The following EBF2 variants were observed in gnomAD, a reference collection of about 807,000 sequenced individuals.
EBF2 encodes the protein transcription factor COE2.
In EBF2, 21 loss-of-function variants were observed where a neutral mutation model predicts 72.8. That is an observed-to-expected ratio of 0.29 (90% CI 0.20 to 0.42). EBF2 has a LOEUF of 0.42. EBF2 is among the 10% of genes least tolerant of loss of function. EBF2 has a pLI of 1.00. For synonymous variants in EBF2, 299 were observed against 274.2 expected (o/e 1.09, Z -0.89); for missense variants, 637 against 731.2 (o/e 0.87, Z 1.49).
rs1455639341 is a variant in EBF2, at chr8:25,856,452, T to C, written c.1528+1867A>G. 2.6e-5 allele frequency among the ~76,000 whole-genome samples: 4 copies of C among 152,252 alleles called. No homozygotes were observed. In the East Asian group the frequency reaches 5.8e-4, roughly 22 times the overall value. On this transcript the variant is annotated intron_variant, in intron 14 of 15. Coordinates refer to ENST00000520164, the MANE Select transcript of EBF2 (RefSeq NM_022659.4). ...TCCCTTTTTTACTATTTATTGGCTA[T>C]GAACTCTTAAGTCATTCAATAACTC... is the stretch of plus-strand genomic sequence containing the variant.
At chr8:25,892,616 T>C (rs1312894564) in intron 7 of EBF2, among the ~76,000 whole-genome samples, 1 of 152,236 alleles carries the variant, frequency 6.6e-6, no homozygotes, top group Non-Finnish European at 1.5e-5. Context: ...TTTTAAGTTA[T>C]ATTTTTAGCA....
chr8:25,906,598 C>T (rs1803036231), intron 7 of EBF2, among the ~76,000 whole-genome samples: 1 of 152,098 alleles, frequency 6.6e-6, no homozygotes, highest in South Asian at 2.1e-4. Flanking sequence ...AAAACCTCAT[C>T]TCTACTAAAA....
intron 6 of EBF2, among the ~76,000 whole-genome samples, chr8:26,018,063 A>T (rs548168711): frequency 5.3e-5 from 8 of 152,082 alleles, no homozygotes; most frequent in Admixed American, 6.5e-5. Flanking sequence ...TACAGCAAAG[A>T]TTCAAACAAG....
chr8:25,889,101 A>G (rs552744670), intron 8 of EBF2, among the ~76,000 whole-genome samples: 2 of 152,316 alleles, frequency 1.3e-5, no homozygotes, highest in Admixed American at 1.3e-4. Flanking sequence ...TCACACTAAA[A>G]TAGTAGCCTA....
chr8:25,932,981 T>C (rs1803510173), intron 6 of EBF2, among the ~76,000 whole-genome samples: 1 of 152,176 alleles, frequency 6.6e-6, no homozygotes, highest in Non-Finnish European at 1.5e-5. Flanking sequence ...CCAAAAGGTA[T>C]ATTCAAACTC....
chr8:25,865,841 C>T (rs958747325), intron 10 of EBF2, among the ~76,000 whole-genome samples: 6 of 151,600 alleles, frequency 4.0e-5, no homozygotes, highest in South Asian at 2.1e-4. Context: ...CTGGCTAACA[C>T]GGTGAAACCC....
intron 6 of EBF2, among the ~76,000 whole-genome samples, chr8:25,938,482 A>T (rs775546289): frequency 2.6e-5 from 4 of 152,034 alleles, no homozygotes; most frequent in Non-Finnish European, 5.9e-5. Context: ...GAAGACAAAT[A>T]CCTTAACCGT....
intron 6 of EBF2, among the ~76,000 whole-genome samples, chr8:26,001,867 T>C (rs1208107936): frequency 6.6e-6 from 1 of 152,112 alleles, no homozygotes; most frequent in Non-Finnish European, 1.5e-5. Context: ...TTAAAAGAAC[T>C]GCTCTACCTA....
chr8:26,038,596 C>A (rs1805544624), intron 5 of EBF2, among the ~76,000 whole-genome samples: 1 of 152,216 alleles, frequency 6.6e-6, no homozygotes, highest in Non-Finnish European at 1.5e-5. Context: ...ACTAACCAAC[C>A]TAATCAAAGC....
chr8:25,908,106 C>A (rs1803069554), intron 7 of EBF2, among the ~76,000 whole-genome samples: 1 of 152,178 alleles, frequency 6.6e-6, no homozygotes, highest in Non-Finnish European at 1.5e-5. Flanking sequence ...AAGACAGGAG[C>A]TGTTGCTTGC....
At chr8:25,949,051 A>G (rs1803816213) in intron 6 of EBF2, among the ~76,000 whole-genome samples, 1 of 152,214 alleles carries the variant, frequency 6.6e-6, no homozygotes, top group East Asian at 1.9e-4. Context: ...CACCATCATC[A>G]TCAATACCAT....
At chr8:25,853,565 TG>T (rs1455696903) in intron 14 of EBF2, among the ~76,000 whole-genome samples, 1 of 152,110 alleles carries the variant, frequency 6.6e-6, no homozygotes, top group Non-Finnish European at 1.5e-5. Context: ...TTAACCTCTC[TG>T]GAGGGTCTTT....
chr8:26,005,861 A>G (rs1054700245), intron 6 of EBF2, among the ~76,000 whole-genome samples: 18 of 151,338 alleles, frequency 1.2e-4, no homozygotes, highest in African/African-American at 3.9e-4. Context: ...TTAAAATGAT[A>G]GAAAGACTCA....
intron 6 of EBF2, among the ~76,000 whole-genome samples, chr8:25,940,182 CT>C (rs1416909835): frequency 1.3e-5 from 2 of 152,178 alleles, no homozygotes; most frequent in Non-Finnish European, 2.9e-5. Flanking sequence ...CGGGCAGCCC[CT>C]ACATTCTACT....
chr8:25,899,692 T>C (rs894026126), intron 7 of EBF2, among the ~76,000 whole-genome samples: 3 of 152,216 alleles, frequency 2.0e-5, no homozygotes, highest in Non-Finnish European at 4.4e-5. Context: ...TGAGTAGCCG[T>C]GCCCTTTGCT....
chr8:25,878,289 GAGCACTGTCCTGC>G (rs1321699673), intron 10 of EBF2, among the ~76,000 whole-genome samples: 5 of 152,198 alleles, frequency 3.3e-5, no homozygotes, highest in Non-Finnish European at 2.9e-5. Flanking sequence ...AGCAGCCTAG[GAGCACTGTCCTGC>G]AGTGAAGCAC....
intron 6 of EBF2, among the ~76,000 whole-genome samples, chr8:26,014,967 T>C (rs1208799688): frequency 6.6e-6 from 1 of 152,162 alleles, no homozygotes; most frequent in Non-Finnish European, 1.5e-5. Flanking sequence ...ATTATACTGA[T>C]ATAAAAACTA....
intron 6 of EBF2, among the ~76,000 whole-genome samples, chr8:26,019,753 C>A (rs1805176814): frequency 6.6e-6 from 1 of 152,208 alleles, no homozygotes; most frequent in South Asian, 2.1e-4. Flanking sequence ...ACTTGTCTGT[C>A]TCTGTTTCAG....
At chr8:26,001,538 ATAAGTT>A in intron 6 of EBF2, among the ~76,000 whole-genome samples, 1 of 152,018 alleles carries the variant, frequency 6.6e-6, no homozygotes, top group East Asian at 1.9e-4. Flanking sequence ...ATAAAGGAAA[ATAAGTT>A]TATTTGCTTT....
Sources: gnomAD v4.1 joint callset for allele counts (sites outside exome capture counted in the v4.1 genomes callset) on GRCh38, gnomAD v4.1.1 for gene constraint, MANE v1.5 for transcripts, NCBI Gene and HGNC (gene_info 2026-07-23, HGNC 2026-07-21) for gene names.